TSPAN13: variants seen among roughly 807,000 people sequenced by gnomAD.
TSPAN13 encodes tetraspanin-13.
In TSPAN13, 18 loss-of-function variants were observed where a neutral mutation model predicts 26.9. The ratio of observed to expected loss-of-function variants is 0.67; its 90% CI spans 0.46 to 0.99. The LOEUF (loss-of-function observed/expected upper bound fraction) is 0.99. Ranked by LOEUF, TSPAN13 falls within the 50% of genes least tolerant of loss-of-function variation. The pLI is 0.00. For synonymous variants in TSPAN13, 116 were observed against 98.4 expected (o/e 1.18, Z -1.06); for missense variants, 201 against 249.6 (o/e 0.81, Z 1.31).
chr7:16,765,249 G>A (rs1384644609), intron 1 of TSPAN13, among the ~76,000 whole-genome samples: 1 of 148,210 alleles, frequency 6.7e-6, no homozygotes, highest in African/African-American at 2.6e-5. Flanking sequence ...ACAGCTGGTT[G>A]CCACTGCACC....
intron 1 of TSPAN13, among the ~76,000 whole-genome samples, chr7:16,761,232 A>G (rs1784537774): frequency 6.6e-6 from 1 of 152,240 alleles, no homozygotes; most frequent in Non-Finnish European, 1.5e-5. Context: ...AATATTCGCA[A>G]GAGCACTTCA....
chr7:16,782,974 C>A (rs951650404), intron 5 of TSPAN13, among the ~76,000 whole-genome samples: 3 of 152,178 alleles, frequency 2.0e-5, no homozygotes, highest in Admixed American at 2.0e-4. Flanking sequence ...GTTGCAGCTT[C>A]TCTTTCTATT....
chr7:16,769,232 A>C (rs139005798), intron 1 of TSPAN13, among the ~76,000 whole-genome samples: 52 of 152,340 alleles, frequency 3.4e-4, no homozygotes, highest in Middle Eastern at 3.4e-3. Flanking sequence ...TATCCAAAAT[A>C]TGTAGAGTCA....
Position 16,783,476 on chromosome 7 carries a change from T to A in TSPAN13, c.600T>A (p.Pro200=). 6.2e-7 allele frequency: 1 copy of A among 1,613,756 alleles called. No homozygotes were observed. The highest frequency in any genetic ancestry group is 8.5e-7 in the Non-Finnish European group (1 of 1,179,648). ...YRNQKDPRAN[P]SAFL ...ACCAGAAAGACCCCCGCGCGAATCC[T>A]AGTGCATTCCTTTGATGAGAAAACA... is the stretch of plus-strand genomic sequence containing the variant. Residue 200 remains proline, a synonymous_variant, in exon 6 of 6, where the codon CCT becomes CCA. Transcript: ENST00000262067.
chr7:16,782,839 A>G (rs930195056), intron 5 of TSPAN13, among the ~76,000 whole-genome samples: 2 of 152,228 alleles, frequency 1.3e-5, no homozygotes, highest in Non-Finnish European at 2.9e-5. Context: ...GTTACCACAC[A>G]CATAGTTGCT....
chr7:16,771,275 G>A (rs1478282774), intron 1 of TSPAN13, among the ~76,000 whole-genome samples: 1 of 152,202 alleles, frequency 6.6e-6, no homozygotes, highest in Non-Finnish European at 1.5e-5. Context: ...TAAAATATTT[G>A]TAGCTGAAAG....
Position 16,753,831 on chromosome 7 carries a change from C to G in TSPAN13, c.-137C>G. 1.1e-6 allele frequency: 1 copy of G among 928,534 alleles called. No homozygotes were observed. 57.5% of individuals were successfully genotyped at this position (928,534 alleles called of 1,614,324 possible). A position where few individuals can be genotyped will look rare whatever the true frequency, so the allele number is the denominator to read the frequency against. ...GCGCGCGCGCCGCGCACTGCAGCCC[C>G]AGGCCCCGGCCCCCCACCCACGTCT... On this transcript the variant is annotated 5_prime_UTR_variant, in exon 1 of 6. Transcript: ENST00000262067.
At chr7:16,774,510 C>T (rs1175561187) in intron 1 of TSPAN13, among the ~76,000 whole-genome samples, 1 of 152,166 alleles carries the variant, frequency 6.6e-6, no homozygotes, top group African/African-American at 2.4e-5. Flanking sequence ...AATTTGAATA[C>T]CACAGAGTCA....
intron 1 of TSPAN13, among the ~76,000 whole-genome samples, chr7:16,762,631 A>C (rs2115324382): frequency 6.6e-6 from 1 of 152,284 alleles, no homozygotes; most frequent in African/African-American, 2.4e-5. Flanking sequence ...CCCAGCTATC[A>C]CTGCTTAAAA....
chr7:16,783,115 C>A (rs1273584953), intron 5 of TSPAN13, among the ~76,000 whole-genome samples: 1 of 152,132 alleles, frequency 6.6e-6, no homozygotes, highest in African/African-American at 2.4e-5. Flanking sequence ...TATCTTGAGA[C>A]CCTTAACCAC....
At chr7:16,773,188 T>C (rs1784701215) in intron 1 of TSPAN13, among the ~76,000 whole-genome samples, 1 of 151,924 alleles carries the variant, frequency 6.6e-6, no homozygotes, top group Admixed American at 6.6e-5. Context: ...TAGCAATTAT[T>C]TGATTATTTG....
intron 1 of TSPAN13, among the ~76,000 whole-genome samples, chr7:16,763,488 C>A (rs1351129497): frequency 2.6e-5 from 4 of 152,174 alleles, no homozygotes; most frequent in Non-Finnish European, 5.9e-5. Flanking sequence ...GTCGCTCGCC[C>A]CTTTCATCCG....
chr7:16,768,156 C>T (rs147640814), intron 1 of TSPAN13, among the ~76,000 whole-genome samples: 4,820 of 152,266 alleles, frequency 0.032, 265 homozygotes, highest in African/African-American at 0.11. Flanking sequence ...TAAGGTGATC[C>T]GCCTGCCTTG....
intron 1 of TSPAN13, among the ~76,000 whole-genome samples, chr7:16,773,199 T>C (rs563354888): frequency 6.6e-6 from 1 of 151,962 alleles, no homozygotes; most frequent in African/African-American, 2.4e-5. Flanking sequence ...TGATTATTTG[T>C]CCTATTGTAA....
chr7:16,782,906 G>A (rs777553369), intron 5 of TSPAN13, among the ~76,000 whole-genome samples: 11 of 152,114 alleles, frequency 7.2e-5, no homozygotes, highest in Non-Finnish European at 1.5e-4. Context: ...TTAAAATAAA[G>A]GTACCTTCTG....
chr7:16,761,092 G>T (rs1214893514), intron 1 of TSPAN13, among the ~76,000 whole-genome samples: 2 of 152,124 alleles, frequency 1.3e-5, no homozygotes, highest in Non-Finnish European at 2.9e-5. Flanking sequence ...CCTCAAACTG[G>T]TTACCCTTGG....
At chr7:16,779,835 A>G (rs1784794964) in intron 5 of TSPAN13, among the ~76,000 whole-genome samples, 1 of 150,538 alleles carries the variant, frequency 6.6e-6, no homozygotes, top group Non-Finnish European at 1.5e-5. Flanking sequence ...GCAGTGGCAC[A>G]ATCTTGGCTC....
intron 1 of TSPAN13, among the ~76,000 whole-genome samples, chr7:16,774,290 G>A (rs763455834): frequency 7.2e-5 from 11 of 152,166 alleles, no homozygotes; most frequent in South Asian, 2.1e-4. Context: ...AGATATAGAT[G>A]TATTTCCTAT....
intron 1 of TSPAN13, among the ~76,000 whole-genome samples, chr7:16,767,162 C>T (rs889037844): frequency 6.6e-6 from 1 of 152,196 alleles, no homozygotes; most frequent in African/African-American, 2.4e-5. Flanking sequence ...GGCCAACTCT[C>T]CAGTCCCTTT....
Sources: allele counts gnomAD v4.1 joint callset (sites outside exome capture counted in the v4.1 genomes callset), GRCh38; gene constraint gnomAD v4.1.1; transcripts MANE v1.5; gene names NCBI Gene and HGNC (gene_info 2026-07-23, HGNC 2026-07-21).